Variants in MPP7 observed in about 807,000 individuals in gnomAD.
MPP7 encodes MAGUK p55 subfamily member 7.
MPP7 carries 60 observed loss-of-function variants against 76.5 expected under a neutral mutation model. The observed-to-expected ratio is 0.78, with a 90% confidence interval of 0.64 to 0.97. The LOEUF (loss-of-function observed/expected upper bound fraction) is 0.97, where lower values mean the gene tolerates loss of function less well. Ranked by LOEUF, MPP7 falls within the 50% of genes least tolerant of loss-of-function variation. MPP7 has a pLI of 0.00. For missense variants in MPP7, 641 were observed against 694.0 expected, an observed-to-expected ratio of 0.92 and a Z score of 0.86; for synonymous variants, 237 against 244.5, an observed-to-expected ratio of 0.97 and a Z score of 0.29.
intron 1 of MPP7, among the ~76,000 whole-genome samples, chr10:28,281,723 G>A (rs559205857): frequency 6.6e-6 from 1 of 152,094 alleles, no homozygotes; most frequent in South Asian, 2.1e-4. Flanking sequence ...CAACTTTTGT[G>A]GTAGGTACTC....
chr10:28,118,112 A>G (rs1834715532), intron 11 of MPP7: 2 of 975,480 alleles, frequency 2.1e-6, no homozygotes, highest in Non-Finnish European at 2.4e-6. Flanking sequence ...TTAACATAAA[A>G]AAGAAATCAT....
At chr10:28,252,686 T>C (rs1263702556) in intron 1 of MPP7, among the ~76,000 whole-genome samples, 1 of 152,000 alleles carries the variant, frequency 6.6e-6, no homozygotes, top group Admixed American at 6.6e-5. Context: ...GATGAGATTT[T>C]TTTTTCCATC....
chr10:28,209,182 C>T (rs1838047271), intron 2 of MPP7, among the ~76,000 whole-genome samples: 1 of 152,074 alleles, frequency 6.6e-6, no homozygotes, highest in East Asian at 1.9e-4. Context: ...ATTGCCCAGT[C>T]GCAAGTATTC....
At chr10:28,226,759 A>G (rs532219726) in intron 2 of MPP7, among the ~76,000 whole-genome samples, 6 of 152,338 alleles carry the variant, frequency 3.9e-5, no homozygotes, top group Admixed American at 1.3e-4. Flanking sequence ...CAAAGACATC[A>G]TTAACGGTTA....
intron 1 of MPP7, among the ~76,000 whole-genome samples, chr10:28,265,269 T>C (rs74733105): frequency 0.085 from 12,986 of 152,250 alleles, 718 homozygotes; most frequent in Non-Finnish European, 0.12. Context: ...CATATCAAAA[T>C]GCATTTACGC....
chr10:28,319,085 G>A (rs1834343876), intron 2 of MPP7, among the ~76,000 whole-genome samples: 1 of 152,180 alleles, frequency 6.6e-6, no homozygotes, highest in Non-Finnish European at 1.5e-5. Context: ...GGCTATACAG[G>A]AGGCATGGCT....
intron 3 of MPP7, among the ~76,000 whole-genome samples, chr10:28,176,775 G>A (rs1428031463): frequency 1.3e-5 from 2 of 148,560 alleles, no homozygotes; most frequent in African/African-American, 5.0e-5. Flanking sequence ...ACTTTCGCAA[G>A]GATAGAAAAC....
At position 28,140,383 on chromosome 10, in the gene MPP7, T is replaced by C. The variant is rs902835437; in HGVS notation, c.315+7100A>G. ...AAAAATTAGCCAGGCGGGTGGCATG[T>C]GCCTGTAATCCCAGCTACTTGGGAG... On this transcript the variant is annotated intron_variant, in intron 5 of 16. Transcript: ENST00000683449. Among the ~76,000 whole-genome samples the C allele has an allele frequency of 2.0e-5, 3 of 152,212 alleles. 1 individual carries two copies. In the East Asian group the frequency reaches 5.8e-4, roughly 29 times the overall value.
At position 28,053,491 on chromosome 10, in the gene MPP7, G is replaced by A. The variant is rs2133301237; in HGVS notation, c.*574C>T. On this transcript the variant is annotated 3_prime_UTR_variant, in exon 17 of 17. Transcript: ENST00000683449. The stretch of plus-strand genomic sequence containing the variant: ...GCCATTCACTCAAGGTAAAATTTCA[G>A]TTACTCCTTTAAGAATTATTTTAAA... The A allele has an allele frequency of 6.6e-6, 1 of 152,300 alleles. No homozygotes were observed. The allele number at this position is 152,300 out of a possible 1,614,324, so 9.4% of individuals were successfully genotyped here.
At chr10:28,275,727 T>C (rs968306806) in intron 1 of MPP7, among the ~76,000 whole-genome samples, 9 of 151,472 alleles carry the variant, frequency 5.9e-5, no homozygotes, top group Middle Eastern at 6.8e-3. Flanking sequence ...ATTTCTTGAA[T>C]CAGTCTTCTT....
At chr10:28,292,346 G>T (rs1481790578) in intron 1 of MPP7, among the ~76,000 whole-genome samples, 1 of 151,562 alleles carries the variant, frequency 6.6e-6, no homozygotes, top group Non-Finnish European at 1.5e-5. Context: ...TACACCAGGG[G>T]AAATAAACAA....
chr10:28,195,948 A>G (rs937504006), intron 3 of MPP7, among the ~76,000 whole-genome samples: 4 of 152,240 alleles, frequency 2.6e-5, no homozygotes, highest in Admixed American at 6.5e-5. Context: ...GGTGAATTAT[A>G]TAGCTCAACA....
At chr10:28,244,605 T>G (rs948912249) in intron 1 of MPP7, among the ~76,000 whole-genome samples, 1 of 152,018 alleles carries the variant, frequency 6.6e-6, no homozygotes, top group East Asian at 1.9e-4. Flanking sequence ...TTTCCACACA[T>G]GGAAAGGGAA....
At chr10:28,183,225 A>G (rs1475728853) in intron 3 of MPP7, among the ~76,000 whole-genome samples, 1 of 152,228 alleles carries the variant, frequency 6.6e-6, no homozygotes, top group African/African-American at 2.4e-5. Context: ...TGGCAGGAAA[A>G]GGAAAAGAAT....
At chr10:28,213,791 CAAAAAAAAAA>C (rs575725136) in intron 2 of MPP7, among the ~76,000 whole-genome samples, 1 of 58,080 alleles carries the variant, frequency 1.7e-5, no homozygotes, top group East Asian at 5.2e-4. Context: ...GACTCTGTCT[CAAAAAAAAAA>C]AAAAAAAAAG....
intron 2 of MPP7, among the ~76,000 whole-genome samples, chr10:28,217,537 A>AAAAAAAAAAAAAAAAG (rs1554852920): frequency 7.2e-6 from 1 of 138,174 alleles, no homozygotes; most frequent in Non-Finnish European, 1.5e-5. Flanking sequence ...AAAAAAAAAA[A>AAAAAAAAAAAAAAAAG]AAAAGAAAAG....
At chr10:28,299,465 A>C (rs1377902397) in intron 1 of MPP7, among the ~76,000 whole-genome samples, 2 of 152,194 alleles carry the variant, frequency 1.3e-5, no homozygotes, top group Non-Finnish European at 2.9e-5. Flanking sequence ...ATGGAGCCCC[A>C]AAACAATTAG....
chr10:28,276,011 C>T (rs931390287), intron 1 of MPP7, among the ~76,000 whole-genome samples: 5 of 150,766 alleles, frequency 3.3e-5, no homozygotes, highest in African/African-American at 1.2e-4. Context: ...ATCCTCTTGA[C>T]CAAAAAGGCC....
In MPP7 at chr10:28,059,646, A is replaced by G; in HGVS notation, c.1298+4T>C. The G allele has an allele frequency of 6.2e-7, 1 of 1,606,016 alleles. No homozygotes were observed. Among genetic ancestry groups the G allele is most frequent in the South Asian group, 1.1e-5 (1 of 90,784 alleles). ...CATGAAAATTCTCAAAAATGTCCAC[A>G]TACTTGTTATTTTGTACATCTGTCT... is the stretch of plus-strand genomic sequence containing the variant. On this transcript the variant is annotated splice_donor_region_variant and intron_variant, in intron 14 of 16. Transcript: ENST00000683449.
Sources: allele counts gnomAD v4.1 joint callset (sites outside exome capture counted in the v4.1 genomes callset), GRCh38; gene constraint gnomAD v4.1.1; transcripts MANE v1.5; gene names NCBI Gene and HGNC (gene_info 2026-07-23, HGNC 2026-07-21).